MACROD2: variants seen among roughly 807,000 people sequenced by gnomAD.
The protein encoded by MACROD2 is mono-ADP ribosylhydrolase 2.
In MACROD2, 36 loss-of-function variants were observed where a neutral mutation model predicts 70.4. The observed-to-expected ratio is 0.51, with a 90% confidence interval of 0.39 to 0.68. MACROD2 has a LOEUF of 0.68. Among genes scored for constraint, MACROD2 ranks in the 30% least tolerant of loss-of-function variants. The pLI is 0.00. For missense variants in MACROD2, 496 were observed against 538.4 expected, an observed-to-expected ratio of 0.92 and a Z score of 0.78; for synonymous variants, 172 against 178.8, an observed-to-expected ratio of 0.96 and a Z score of 0.30.
chr20:14,697,835 A>G (rs955963981), intron 5 of MACROD2, among the ~76,000 whole-genome samples: 32 of 152,310 alleles, frequency 2.1e-4, no homozygotes, highest in Middle Eastern at 3.4e-3. Context: ...GCTGGAAAGA[A>G]ATCTGGAAAT....
chr20:15,701,606 A>T (rs1368237446), intron 8 of MACROD2, among the ~76,000 whole-genome samples: 1 of 152,160 alleles, frequency 6.6e-6, no homozygotes, highest in Admixed American at 6.5e-5. Flanking sequence ...TTCCAGAGAA[A>T]ATATCCTTAA....
intron 3 of MACROD2, among the ~76,000 whole-genome samples, chr20:14,465,101 T>C (rs1351769805): frequency 6.6e-6 from 1 of 152,088 alleles, no homozygotes; most frequent in East Asian, 1.9e-4. Flanking sequence ...GTTAACTTTC[T>C]GTCTCATTGA....
At chr20:15,102,451 G>T (rs888523880) in intron 5 of MACROD2, among the ~76,000 whole-genome samples, 2 of 151,798 alleles carry the variant, frequency 1.3e-5, no homozygotes, top group Non-Finnish European at 2.9e-5. Context: ...ATATACTCTG[G>T]TATATATAGT....
intron 3 of MACROD2, among the ~76,000 whole-genome samples, chr20:14,278,465 C>A (rs780472828): frequency 1.3e-5 from 2 of 152,102 alleles, no homozygotes; most frequent in African/African-American, 4.8e-5. Context: ...ATAAATAAAA[C>A]GACACTACTT....
intron 8 of MACROD2, among the ~76,000 whole-genome samples, chr20:15,859,535 A>C (rs898755049): frequency 2.6e-5 from 4 of 152,212 alleles, no homozygotes; most frequent in African/African-American, 9.6e-5. Flanking sequence ...CTTGTCAACT[A>C]TATGAGCTCT....
At chr20:15,245,392 TTCTATTAGAAAAAAAA>T (rs2077096965) in intron 6 of MACROD2, among the ~76,000 whole-genome samples, 1 of 152,194 alleles carries the variant, frequency 6.6e-6, no homozygotes, top group South Asian at 2.1e-4. Context: ...TTTATGGTAT[TTCTATTAGAAAAAAAA>T]TCTCAGGAAC....
intron 6 of MACROD2, among the ~76,000 whole-genome samples, chr20:15,255,173 T>C (rs977005710): frequency 6.6e-6 from 1 of 152,120 alleles, no homozygotes; most frequent in South Asian, 2.1e-4. Context: ...TAAGATTACA[T>C]TAACTCAGTC....
intron 5 of MACROD2, among the ~76,000 whole-genome samples, chr20:14,834,453 T>G (rs942575838): frequency 1.3e-5 from 2 of 151,934 alleles, no homozygotes; most frequent in African/African-American, 4.8e-5. Context: ...GAAAGATTGA[T>G]CCGTAGTGGT....
At chr20:15,789,626 G>A (rs542756241) in intron 8 of MACROD2, among the ~76,000 whole-genome samples, 4 of 151,740 alleles carry the variant, frequency 2.6e-5, no homozygotes, top group East Asian at 1.9e-4. Context: ...GAAATCTGCA[G>A]AATGAAAAGG....
chr20:14,291,296 G>C (rs2122449287), intron 3 of MACROD2, among the ~76,000 whole-genome samples: 1 of 152,320 alleles, frequency 6.6e-6, no homozygotes, highest in Admixed American at 6.5e-5. Flanking sequence ...AAAAGTGCCA[G>C]AGAAGGGAGG....
intron 6 of MACROD2, among the ~76,000 whole-genome samples, chr20:15,267,620 A>C (rs1057329564): frequency 1.3e-5 from 2 of 152,118 alleles, no homozygotes; most frequent in Non-Finnish European, 2.9e-5. Flanking sequence ...AGAGACCACT[A>C]TCCTGTCACT....
At position 14,242,075 on chromosome 20, in the gene MACROD2, A is replaced by G. The variant is rs1013087694; in HGVS notation, c.271+156347A>G. The stretch of plus-strand genomic sequence containing the variant: ...TTAAAGGTCATGTAACTAAAATTGT[A>G]TGCTGAATGTTGAGGAAAGAAAATT... On this transcript the variant is annotated intron_variant, in intron 3 of 17. Transcript: ENST00000684519. 2.6e-5 allele frequency among the ~76,000 whole-genome samples: 4 copies of G among 152,206 alleles called. No homozygotes were observed. In the East Asian group the frequency reaches 7.7e-4, roughly 29 times the overall value.
At chr20:14,700,524 TGTGTGTGTGTGTGTG>T (rs2071184221) in intron 5 of MACROD2, among the ~76,000 whole-genome samples, 3 of 125,500 alleles carry the variant, frequency 2.4e-5, no homozygotes, top group East Asian at 4.3e-4. Flanking sequence ...CATATGGTGG[TGTGTGTGTGTGTGTG>T]TGTGTGTGTG....
At chr20:15,183,024 T>G (rs2076510808) in intron 5 of MACROD2, among the ~76,000 whole-genome samples, 1 of 152,200 alleles carries the variant, frequency 6.6e-6, no homozygotes, top group Non-Finnish European at 1.5e-5. Flanking sequence ...ACAAGCTGCC[T>G]TCTGTCCTCC....
chr20:15,844,551 T>A (rs1308286331), intron 8 of MACROD2, among the ~76,000 whole-genome samples: 2 of 152,146 alleles, frequency 1.3e-5, no homozygotes, highest in Non-Finnish European at 2.9e-5. Context: ...ATTATGCAAC[T>A]AGTAAGTGGT....
At chr20:15,412,939 A>G (rs1056431249) in intron 6 of MACROD2, among the ~76,000 whole-genome samples, 1 of 152,250 alleles carries the variant, frequency 6.6e-6, no homozygotes, top group Admixed American at 6.5e-5. Context: ...AGATGGTCAT[A>G]TCTGCATTGC....
At chr20:14,683,781 A>T (rs1165796098) in intron 4 of MACROD2, among the ~76,000 whole-genome samples, 1 of 152,172 alleles carries the variant, frequency 6.6e-6, no homozygotes, top group African/African-American at 2.4e-5. Flanking sequence ...GGAGAGGAGA[A>T]GTCTTCAGAC....
At chr20:15,709,475 A>G (rs1310564976) in intron 8 of MACROD2, among the ~76,000 whole-genome samples, 1 of 152,124 alleles carries the variant, frequency 6.6e-6, no homozygotes, top group Non-Finnish European at 1.5e-5. Context: ...AGCCTGGGCA[A>G]CATACTGAGA....
At chr20:15,726,175 T>C (rs987430434) in intron 8 of MACROD2, among the ~76,000 whole-genome samples, 4 of 152,288 alleles carry the variant, frequency 2.6e-5, no homozygotes, top group Middle Eastern at 6.8e-3. Flanking sequence ...AATGAGGACA[T>C]GTGGCATTTG....
Sources: allele counts gnomAD v4.1 joint callset (sites outside exome capture counted in the v4.1 genomes callset), GRCh38; gene constraint gnomAD v4.1.1; transcripts MANE v1.5; gene names NCBI Gene and HGNC (gene_info 2026-07-23, HGNC 2026-07-21).